NUP155: variants seen among roughly 807,000 people sequenced by gnomAD.
The protein encoded by NUP155 is nucleoporin 155.
A neutral mutation model predicts 180.4 loss-of-function variants in NUP155; 71 were observed. The ratio of observed to expected loss-of-function variants is 0.39; its 90% CI spans 0.33 to 0.48. NUP155 has a LOEUF of 0.48. NUP155 is among the 20% of genes least tolerant of loss of function. The probability of loss-of-function intolerance (pLI) is 0.91; values close to 1 mark genes in which losing one functional copy is unlikely to be tolerated. For synonymous variants in NUP155, 582 were observed against 559.5 expected, an observed-to-expected ratio of 1.04 and a Z score of -0.57; for missense variants, 1,553 against 1,648.9, an observed-to-expected ratio of 0.94 and a Z score of 1.01.
At chr5:37,329,303 T>G in intron 15 of NUP155, 25 bp from the exon 16 acceptor site, 6 of 1,570,750 alleles carry the variant, frequency 3.8e-6, no homozygotes, top group Non-Finnish European at 5.3e-6. Context: ...AGAGGTTGAG[T>G]TTATTCAGTA....
chr5:37,296,213 T>C (rs76915087), intron 32 of NUP155, among the ~76,000 whole-genome samples: 29,958 of 151,750 alleles, frequency 0.2, 2,928 homozygotes, highest in Middle Eastern at 0.31. Context: ...ATGATGACAA[T>C]GGCAGTTTTG....
At chr5:37,301,286 A>C in intron 30 of NUP155, 151 bp downstream of exon 30, 1 of 610,590 alleles carries the variant, frequency 1.6e-6, no homozygotes, top group East Asian at 3.0e-5. Context: ...AGCAGTGGTG[A>C]TCTGTCAGCC....
rs545539696 is a variant in NUP155 at position 37,295,974 on chromosome 5, C to T, written c.3794-1509G>A. Among the ~76,000 whole-genome samples, 432 of 147,520 alleles carry T rather than the reference C, an allele frequency of 2.9e-3. 9 individuals carry two copies. The highest frequency in any genetic ancestry group is 0.01 in the African/African-American group (411 of 39,648). ...CTGGGAAGTGAGGAGCCCCTCTGCCCGGCCAGCCGCCCCATCCGGGAGGGA... is the reference window on the plus strand; with the variant it reads ...CTGGGAAGTGAGGAGCCCCTCTGCCTGGCCAGCCGCCCCATCCGGGAGGGA... On this transcript the variant is annotated intron_variant, in intron 32 of 34. Coordinates refer to ENST00000231498, the MANE Select transcript of NUP155 (RefSeq NM_153485.3).
intron 21 of NUP155, among the ~76,000 whole-genome samples, chr5:37,314,563 C>G (rs1233414478): frequency 6.6e-6 from 1 of 152,256 alleles, no homozygotes; most frequent in East Asian, 1.9e-4. Context: ...TGTGGCTGGG[C>G]GCGGTGGCTC....
chr5:37,301,698 C>T (rs542281681), intron 29 of NUP155, 148 bp from the exon 30 acceptor site: 7 of 671,038 alleles, frequency 1.0e-5, no homozygotes, highest in South Asian at 9.1e-5. Flanking sequence ...ATTATCATAA[C>T]AGACATCAAC....
intron 24 of NUP155, among the ~76,000 whole-genome samples, chr5:37,307,680 T>G (rs1476658132): frequency 6.6e-6 from 1 of 151,998 alleles, no homozygotes; most frequent in Non-Finnish European, 1.5e-5. Flanking sequence ...CCCAGCACTT[T>G]GGGAGGCTGA....
At chr5:37,297,632 G>A (rs965066834) in intron 32 of NUP155, among the ~76,000 whole-genome samples, 1 of 151,802 alleles carries the variant, frequency 6.6e-6, no homozygotes, top group African/African-American at 2.4e-5. Flanking sequence ...CATCCGCCTC[G>A]GCCTCCCAAA....
intron 13 of NUP155, among the ~76,000 whole-genome samples, chr5:37,332,313 C>CTTTT (rs1021002313): frequency 0.012 from 1,009 of 87,692 alleles, 115 homozygotes; most frequent in African/African-American, 0.055. Flanking sequence ...GCCATTACAG[C>CTTTT]TTTTTTTTTT....
Position 37,358,245 on chromosome 5 carries a change from G to A in NUP155, c.393-94C>T, listed in dbSNP as rs375308817. Reference sequence around the variant, plus strand: ...TTTAATCCCAGTACTTTGGGAGTCTGAGGCAGGAGGACTGCCTGAGCCCAG... The same window carrying A: ...TTTAATCCCAGTACTTTGGGAGTCTAAGGCAGGAGGACTGCCTGAGCCCAG... On this transcript the variant is annotated intron_variant, in intron 3 of 34. Transcript: ENST00000231498. The A allele has an allele frequency of 9.1e-5, 78 of 860,546 alleles. 2 individuals carry two copies. The highest frequency in any genetic ancestry group is 5.0e-4 in the East Asian group (20 of 39,830). The allele number at this position is 860,546 out of a possible 1,614,324, so 53.3% of individuals were successfully genotyped here. A position where few individuals can be genotyped will look rare whatever the true frequency, so the allele number is the denominator to read the frequency against.
intron 20 of NUP155, 118 bp from the exon 21 acceptor site, chr5:37,318,203 C>A: frequency 1.4e-6 from 1 of 719,828 alleles, no homozygotes; most frequent in Non-Finnish European, 2.5e-6. Flanking sequence ...GAAGGTTGGG[C>A]AACCAACACC....
intron 15 of NUP155, 113 bp downstream of exon 15, chr5:37,329,925 T>C: frequency 1.3e-6 from 1 of 745,860 alleles, no homozygotes; most frequent in Admixed American, 2.2e-5. Flanking sequence ...TTTTGGTAAT[T>C]TGCCTACATA....
chr5:37,362,209 C>T (rs1289101351), intron 3 of NUP155, among the ~76,000 whole-genome samples: 2 of 151,996 alleles, frequency 1.3e-5, no homozygotes, highest in Admixed American at 6.6e-5. Context: ...ACCACAACAA[C>T]AGTGTCAGAT....
chr5:37,297,889 A>ACC (rs1336607686), intron 32 of NUP155, among the ~76,000 whole-genome samples: 2 of 151,388 alleles, frequency 1.3e-5, no homozygotes, highest in African/African-American at 4.9e-5. Context: ...GAGGGAATAG[A>ACC]CCCTAAGTCA....
rs971623818 is a variant in NUP155 at position 37,326,043 on chromosome 5, C to T, written c.2025-76G>A. ...TACAATAAATTTCTTTCTCTAGGAACTTAATGGCTTTATTCAGTTTTTAAA... is the reference window on the plus strand; with the variant it reads ...TACAATAAATTTCTTTCTCTAGGAATTTAATGGCTTTATTCAGTTTTTAAA... On this transcript the variant is annotated intron_variant, in intron 18 of 34. Transcript: ENST00000231498. The T allele has an allele frequency of 2.3e-5, 23 of 1,007,650 alleles. No homozygotes were observed. In the African/African-American group the frequency reaches 3.3e-4, roughly 15 times the overall value. The allele number at this position is 1,007,650 out of a possible 1,614,324, so 62.4% of individuals were successfully genotyped here. A position where few individuals can be genotyped will look rare whatever the true frequency, so the allele number is the denominator to read the frequency against.
In NUP155 at chr5:37,288,294, T is replaced by C. The variant is rs1742101421; in HGVS notation, c.*3606A>G. ...CCATGGTCATAATTTTTCCGTCTCA[T>C]GAATAGGAGGAAAAATGACAGGAAT... On this transcript the variant is annotated 3_prime_UTR_variant, in exon 35 of 35. Coordinates refer to ENST00000231498, the MANE Select transcript of NUP155 (RefSeq NM_153485.3). 6.6e-6 allele frequency: 1 copy of C among 152,118 alleles called. No individual in the cohort carries two copies. The highest frequency in any genetic ancestry group is 2.4e-5 in the African/African-American group (1 of 41,430). 9.4% of individuals were successfully genotyped at this position (152,118 alleles called of 1,614,324 possible).
chr5:37,347,272 G>C (rs1445412044), intron 9 of NUP155, among the ~76,000 whole-genome samples: 1 of 152,056 alleles, frequency 6.6e-6, no homozygotes, highest in Non-Finnish European at 1.5e-5. Flanking sequence ...AGTTAAAAGT[G>C]GGGAAACTTT....
intron 20 of NUP155, among the ~76,000 whole-genome samples, chr5:37,320,880 C>T (rs1744199741): frequency 1.3e-5 from 2 of 152,058 alleles, no homozygotes; most frequent in South Asian, 4.1e-4. Flanking sequence ...TTAATGCTGA[C>T]TGAGATGCAT....
intron 12 of NUP155, among the ~76,000 whole-genome samples, chr5:37,336,228 C>A (rs181004407): frequency 5.9e-5 from 9 of 152,224 alleles, no homozygotes; most frequent in Admixed American, 5.2e-4. Flanking sequence ...CACCTGTAAT[C>A]CCAGCAGTTT....
chr5:37,288,232 A>G lies in NUP155; in HGVS notation c.*3668T>C, dbSNP rs1259293124. The G allele has an allele frequency of 6.6e-6, 1 of 152,234 alleles. No individual in the cohort carries two copies. Among genetic ancestry groups the G allele is most frequent in the African/African-American group, 2.4e-5 (1 of 41,468 alleles). The allele number at this position is 152,234 out of a possible 1,614,324, so 9.4% of individuals were successfully genotyped here. A position where few individuals can be genotyped will look rare whatever the true frequency, so the allele number is the denominator to read the frequency against. ...AACCCTTTCAAAACCTTTCAATTCA[A>G]TGTTCTAGTTCTTCATTTCCTTGAT... is the stretch of plus-strand genomic sequence containing the variant. On this transcript the variant is annotated 3_prime_UTR_variant, in exon 35 of 35. Coordinates refer to ENST00000231498, the MANE Select transcript of NUP155 (RefSeq NM_153485.3).
Sources: allele counts gnomAD v4.1 joint callset (sites outside exome capture counted in the v4.1 genomes callset), GRCh38; gene constraint gnomAD v4.1.1; transcripts MANE v1.5; gene names NCBI Gene and HGNC (gene_info 2026-07-23, HGNC 2026-07-21).